The following MMP1 variants were observed in gnomAD, a reference collection of about 807,000 sequenced individuals.
The protein encoded by MMP1 is matrix metallopeptidase 1.
In MMP1, 51 loss-of-function variants were observed where a neutral mutation model predicts 49.6. The observed-to-expected ratio is 1.03, with a 90% CI of 0.82 to 1.30. MMP1 has a LOEUF of 1.30. MMP1 is among the 50% of genes most tolerant of loss of function. MMP1 has a pLI of 0.00. For synonymous variants in MMP1, 230 were observed against 196.8 expected (o/e 1.17, Z -1.41); for missense variants, 623 against 568.7 (o/e 1.10, Z -0.97).
rs935991808 is a variant in MMP1 at position 102,790,740 on chromosome 11, T to A, written c.1263A>T (p.Gly421=). ...AAACTGCATCAACTTTGTGGCCAATTCCAGGAAAGTCATGTGCTATCATTT... is the reference window on the plus strand; with the variant it reads ...AAACTGCATCAACTTTGTGGCCAATACCAGGAAAGTCATGTGCTATCATTT... ...YPKMIAHDFP[G]IGHKVDAVFM... is the part of the protein sequence containing the mutation. Residue 421 remains glycine, a synonymous_variant, in exon 9 of 10, where the codon GGA becomes GGT. Coordinates refer to ENST00000315274, the MANE Select transcript of MMP1 (RefSeq NM_002421.4). 6.2e-7 allele frequency: 1 copy of A among 1,613,362 alleles called. No homozygotes were observed. The highest frequency in any genetic ancestry group is 8.5e-7 in the Non-Finnish European group (1 of 1,179,472).
chr11:102,793,894 C>T (rs1858104073), intron 6 of MMP1, among the ~76,000 whole-genome samples: 2 of 152,200 alleles, frequency 1.3e-5, no homozygotes, highest in South Asian at 4.1e-4. Flanking sequence ...CTGTCGGAAA[C>T]CTGACTTCTA....
Position 102,796,712 on chromosome 11 carries a change from C to G in MMP1, c.577G>C (p.Gly193Arg). The change falls in exon 4 of 10, where the codon GGG (glycine) becomes CGG (arginine). Residue 193 changes from glycine to arginine, a missense_variant. Coordinates refer to ENST00000315274, the MANE Select transcript of MMP1 (RefSeq NM_002421.4). Reference sequence around the variant, plus strand: ...TCATCTTCATCAAAATGAGCATCCCCTCCAATACCTGGGCCTGGTTGAAAA... The same window carrying G: ...TCATCTTCATCAAAATGAGCATCCCGTCCAATACCTGGGCCTGGTTGAAAA... ...HAFQPGPGIG[G>R]DAHFDEDERW... is the part of the protein sequence containing the mutation. The G allele has an allele frequency of 6.2e-7, 1 of 1,613,970 alleles. No individual in the cohort carries two copies. Among genetic ancestry groups the G allele is most frequent in the East Asian group, 2.2e-5 (1 of 44,876 alleles).
At position 102,797,483 on chromosome 11, in the gene MMP1, G is replaced by A. The variant is rs1356963382; in HGVS notation, c.123C>T (p.Tyr41=). The stretch of plus-strand genomic sequence containing the variant: ...GCCTCCCATCATTCTTCAGGTTGTA[G>A]TATTTTTCCAGGTATTTCTGACAAA... ...VDLVQKYLEK[Y]YNLKNDGRQV... is the part of the protein sequence containing the mutation. The change falls in exon 2 of 10, where the codon TAC becomes TAT. Residue 41 remains tyrosine, a synonymous_variant. Coordinates refer to ENST00000315274, the MANE Select transcript of MMP1 (RefSeq NM_002421.4). 6 of 1,613,914 alleles carry A rather than the reference G, an allele frequency of 3.7e-6. No homozygotes were observed. The African/African-American group carries it at 5.3e-5, about 14-fold the overall frequency.
chr11:102,795,290 T>A lies in MMP1; in HGVS notation c.783A>T (p.Gly261=). The part of the protein sequence containing the change: ...DDIDGIQAIY[G]RSQNPVQPIG... ...TGGGCTGGACAGGATTTTGGGAACG[T>A]CCTAAGGAAAATAAAATACCTAGAG... The change falls in exon 6 of 10, where the codon GGA becomes GGT. Residue 261 remains glycine, a splice_region_variant and synonymous_variant. Transcript: ENST00000315274. 1 of 1,613,872 alleles carries A rather than the reference T, an allele frequency of 6.2e-7. No homozygotes were observed. Among genetic ancestry groups the A allele is most frequent in the Non-Finnish European group, 8.5e-7 (1 of 1,179,882 alleles).
At position 102,790,414 on chromosome 11, in the gene MMP1, A is replaced by C; in HGVS notation, c.1408T>G (p.Ter470GlyextTer5). 6.3e-7 allele frequency: 1 copy of C among 1,580,204 alleles called. No homozygotes were observed. The highest frequency in any genetic ancestry group is 8.6e-7 in the Non-Finnish European group (1 of 1,156,572). ...ANSWFNCRKN* is the reference protein window; with the variant it reads ...ANSWFNCRKNG ...TTTTCCATTCAAATTAGTAATGTTC[A>C]ATTTTTCCTGCAGTTGAACCAGCTA... Residue 470 changes from the stop codon to glycine (G), a stop_lost, in exon 10 of 10, where the codon TGA becomes GGA. Transcript: ENST00000315274.
rs772186606 is a variant in MMP1 at position 102,797,953 on chromosome 11, A to G, written c.105+35T>C. ...TACTGCAGAAAAATACAAACTAAAA[A>G]TTTACATTATTGTCACATGCAATGC... On this transcript the variant is annotated intron_variant, in intron 1 of 9. Coordinates refer to ENST00000315274, the MANE Select transcript of MMP1 (RefSeq NM_002421.4). 4.1e-6 allele frequency: 6 copies of G among 1,469,084 alleles called. No individual in the cohort carries two copies. The South Asian group carries it at 7.2e-5, about 18-fold the overall frequency. 91.0% of individuals were successfully genotyped at this position (1,469,084 alleles called of 1,614,324 possible). A position where few individuals can be genotyped will look rare whatever the true frequency, so the allele number is the denominator to read the frequency against.
Position 102,795,522 on chromosome 11 carries a change from G to T in MMP1, c.711C>A (p.Tyr237Ter). The change falls in exon 5 of 10, where the codon TAC (tyrosine) becomes TAA (stop). Residue 237 changes from tyrosine (Y) to a stop codon, truncating the protein, a stop_gained. Coordinates refer to ENST00000315274, the MANE Select transcript of MMP1 (RefSeq NM_002421.4). LOFTEE classifies it high-confidence loss of function. ...SHSTDIGALM[Y>*]PSYTFSGDVQ... is the part of the protein sequence containing the mutation. ...CATCACCACTGAAGGTGTAGCTAGGGTACATCAAAGCCCCGATATCAGTAG... is the reference window on the plus strand; with the variant it reads ...CATCACCACTGAAGGTGTAGCTAGGTTACATCAAAGCCCCGATATCAGTAG... The T allele has an allele frequency of 6.2e-7, 1 of 1,614,024 alleles. No individual in the cohort carries two copies. The highest frequency in any genetic ancestry group is 2.2e-5 in the East Asian group (1 of 44,882).
At chr11:102,796,442 T>C (rs1256610003) in intron 4 of MMP1, among the ~76,000 whole-genome samples, 2 of 152,262 alleles carry the variant, frequency 1.3e-5, no homozygotes, top group African/African-American at 2.4e-5. Flanking sequence ...TTCAACAATT[T>C]TCTTAATAAA....
At chr11:102,793,907 T>G (rs1399427919) in intron 6 of MMP1, among the ~76,000 whole-genome samples, 1 of 152,190 alleles carries the variant, frequency 6.6e-6, no homozygotes, top group Non-Finnish European at 1.5e-5. Flanking sequence ...GACTTCTAGG[T>G]CCAGTCCTTC....
At chr11:102,793,365 C>T (rs1277054626) in intron 6 of MMP1, 4 of 152,166 alleles carry the variant, frequency 2.6e-5, no homozygotes, top group African/African-American at 7.2e-5. Flanking sequence ...ATGATTCCCC[C>T]GCCTCCGCCT....
chr11:102,791,424 C>T lies in MMP1; in HGVS notation c.1105G>A (p.Gly369Ser). ...ATATGCTTCACAGTTCTAGGGAAGC[C>T]AAAGGAGCTGTAGATGTCCTTGGGG... Reference protein sequence around the residue: ...GYPKDIYSSFGFPRTVKHIDA... With the variant: ...GYPKDIYSSFSFPRTVKHIDA... The change falls in exon 8 of 10, where the codon GGC becomes AGC. Residue 369 changes from glycine to serine, a missense_variant. Transcript: ENST00000315274. 3 of 1,614,010 alleles carry T rather than the reference C, an allele frequency of 1.9e-6. No individual in the cohort carries two copies. Among genetic ancestry groups the T allele is most frequent in the Non-Finnish European group, 2.5e-6 (3 of 1,179,886 alleles).
At chr11:102,797,626 G>A (rs1438268223) in intron 1 of MMP1, 126 bp from the exon 2 acceptor site, 2 of 1,203,284 alleles carry the variant, frequency 1.7e-6, no homozygotes, top group Admixed American at 2.6e-5. Flanking sequence ...TTTCGCAGTT[G>A]CTTTTATCCT....
intron 7 of MMP1, 95 bp downstream of exon 7, chr11:102,792,510 C>A: frequency 7.9e-7 from 1 of 1,269,938 alleles, no homozygotes; most frequent in Non-Finnish European, 1.1e-6. Context: ...TTCAAAAGTC[C>A]CTGGAGAGAA....
chr11:102,790,585 C>A (rs1362889702), intron 9 of MMP1, 64 bp from the exon 10 acceptor site: 1 of 1,342,348 alleles, frequency 7.4e-7, no homozygotes, highest in Admixed American at 1.8e-5. Flanking sequence ...AACTTGAATT[C>A]TTGAGAAACC....
At position 102,791,475 on chromosome 11, in the gene MMP1, G is replaced by A. The variant is rs538356871; in HGVS notation, c.1054C>T (p.Gln352Ter). 1 of 1,613,914 alleles carries A rather than the reference G, an allele frequency of 6.2e-7. No individual in the cohort carries two copies. The highest frequency in any genetic ancestry group is 8.5e-7 in the Non-Finnish European group (1 of 1,179,812). ...FFKGNKYWAV[Q>*]GQNVLHGYPK... is the part of the protein sequence containing the mutation. ...TATCCGTGTAGCACATTCTGTCCCT[G>A]AACAGCCCAGTACTTATTCCCTGCC... is the stretch of plus-strand genomic sequence containing the variant. Residue 352 changes from glutamine to a stop codon, truncating the protein, a stop_gained, in exon 8 of 10, where the codon CAG becomes TAG. Transcript: ENST00000315274. LOFTEE classifies it high-confidence loss of function.
At position 102,789,954 on chromosome 11, in the gene MMP1, C is replaced by T. The variant is rs1222981483; in HGVS notation, c.*458G>A. On this transcript the variant is annotated 3_prime_UTR_variant, in exon 10 of 10. Transcript: ENST00000315274. Reference sequence around the variant, plus strand: ...GAAACAAGGTTGACTTTATTCCAAACATAAAACACTTATTTTGTGTTAGAA... The same window carrying T: ...GAAACAAGGTTGACTTTATTCCAAATATAAAACACTTATTTTGTGTTAGAA... The T allele has an allele frequency of 6.6e-6, 1 of 152,406 alleles. No individual in the cohort carries two copies. Among genetic ancestry groups the T allele is most frequent in the Non-Finnish European group, 1.5e-5 (1 of 68,196 alleles). 9.4% of individuals were successfully genotyped at this position (152,406 alleles called of 1,614,324 possible).
At position 102,795,272 on chromosome 11, in the gene MMP1, G is replaced by A. The variant is rs776265025; in HGVS notation, c.801C>T (p.Val267=). The change falls in exon 6 of 10, where the codon GTC becomes GTT. Residue 267 remains valine, a synonymous_variant. Transcript: ENST00000315274. The part of the protein sequence containing the change: ...QAIYGRSQNP[V]QPIGPQTPKA... ...TTGGGGTTTGTGGGCCGATGGGCTG[G>A]ACAGGATTTTGGGAACGTCCTAAGG... 26 of 1,613,962 alleles carry A rather than the reference G, an allele frequency of 1.6e-5. No individual in the cohort carries two copies. In the East Asian group the frequency reaches 5.8e-4, roughly 36 times the overall value.
In MMP1 at chr11:102,796,669, A is replaced by G; in HGVS notation, c.620T>C (p.Phe207Ser). The G allele has an allele frequency of 6.2e-7, 1 of 1,613,492 alleles. No homozygotes were observed. Among genetic ancestry groups the G allele is most frequent in the South Asian group, 1.1e-5 (1 of 90,818 alleles). Residue 207 changes from phenylalanine to serine, a missense_variant, in exon 4 of 10, where the codon TTC (phenylalanine) becomes TCC (serine). Physicochemically the swap from Phe to Ser is radical, Grantham distance 155. Coordinates refer to ENST00000315274, the MANE Select transcript of MMP1 (RefSeq NM_002421.4). ...GGCAAATTTGATTGGCTTACCTCTG[A>G]AATTGTTGGTCCACCTTTCATCTTC... ...FDEDERWTNN[F>S]REYNLHRVAA...
In MMP1 at chr11:102,798,011, C is replaced by T. The variant is rs745680827; in HGVS notation, c.82G>A (p.Glu28Lys). 6.2e-7 allele frequency: 1 copy of T among 1,613,592 alleles called. No individual in the cohort carries two copies. Among genetic ancestry groups the T allele is most frequent in the Non-Finnish European group, 8.5e-7 (1 of 1,179,776 alleles). ...HSFPATLETQ[E>K]QDVDLVQKYL... is the part of the protein sequence containing the mutation. ...ACCTGGACTAAGTCCACATCTTGCT[C>T]TTGTGTTTCTAGAGTCGCTGGGAAG... The change falls in exon 1 of 10, where the codon GAG becomes AAG. Residue 28 changes from glutamate to lysine, a missense_variant. Transcript: ENST00000315274.
Sources: gnomAD v4.1 joint callset for allele counts (sites outside exome capture counted in the v4.1 genomes callset) on GRCh38, gnomAD v4.1.1 for gene constraint, MANE v1.5 for transcripts, NCBI Gene and HGNC (gene_info 2026-07-23, HGNC 2026-07-21) for gene names.